The following FEZF1 variants were observed in gnomAD, a reference collection of about 807,000 sequenced individuals.
The protein encoded by FEZF1 is FEZ family zinc finger 1.
FEZF1 carries 8 observed loss-of-function variants against 32.4 expected under a neutral mutation model. The observed-to-expected ratio is 0.25, with a 90% CI of 0.15 to 0.45. FEZF1 has a LOEUF of 0.45. FEZF1 is among the 20% of genes least tolerant of loss of function. The pLI, the probability that FEZF1 is intolerant of heterozygous loss-of-function variation, is 1.00. For missense variants in FEZF1, 546 were observed against 622.3 expected, an observed-to-expected ratio of 0.88 and a Z score of 1.31; for synonymous variants, 259 against 265.2, an observed-to-expected ratio of 0.98 and a Z score of 0.23.
Position 122,303,792 on chromosome 7 carries a change from C to T in FEZF1, c.646G>A (p.Val216Ile), listed in dbSNP as rs570106853. The change falls in exon 1 of 4, where the codon GTA (valine) becomes ATA (isoleucine). Residue 216 changes from valine to isoleucine, a missense_variant. This residue lies in a region of FEZF1 where 345 missense variants were observed against 360.6 expected (regional missense o/e 0.96). Transcript: ENST00000442488. ...VPAVEKYPSG[V>I]AFKDLSQAQL... is the part of the protein sequence containing the mutation. ...GCCTGGGACAGGTCTTTGAAAGCTA[C>T]TCCAGAAGGGTATTTCTCCACCGCC... The T allele has an allele frequency of 1.9e-6, 3 of 1,614,228 alleles. No individual in the cohort carries two copies. The highest frequency in any genetic ancestry group is 2.2e-5 in the East Asian group (1 of 44,874).
Position 122,303,630 on chromosome 7 carries a change from T to C in FEZF1, c.801+7A>G. 2 of 1,611,652 alleles carry C rather than the reference T, an allele frequency of 1.2e-6. No homozygotes were observed. The highest frequency in any genetic ancestry group is 1.1e-5 in the South Asian group (1 of 90,982). On this transcript the variant is annotated splice_region_variant and intron_variant, in intron 1 of 3. Transcript: ENST00000442488. ...AGGAAAGGATCTCCGTTTTGCATTG[T>C]ACTTGCCTTTCCACACACTTCGCAA...
In FEZF1 at chr7:122,302,130, G is replaced by C; in HGVS notation, c.1295C>G (p.Thr432Arg). The C allele has an allele frequency of 3.7e-6, 6 of 1,614,026 alleles. No individual in the cohort carries two copies. The highest frequency in any genetic ancestry group is 5.1e-6 in the Non-Finnish European group (6 of 1,179,984). ...LHDSSLGLARTPAGEPGTEPP... is the reference protein window; with the variant it reads ...LHDSSLGLARRPAGEPGTEPP... Reference sequence around the variant, plus strand: ...TTCAGTGCCTGGTTCGCCAGCTGGCGTGCGGGCCAGCCCCAGGCTGCTGTC... The same window carrying C: ...TTCAGTGCCTGGTTCGCCAGCTGGCCTGCGGGCCAGCCCCAGGCTGCTGTC... Residue 432 changes from threonine (T) to arginine (R), a missense_variant, in exon 4 of 4, where the codon ACG becomes AGG. Around this residue, in one of 3 missense-constraint regions of FEZF1, gnomAD observed 83 missense variants for 73.0 expected, o/e 1.14. Transcript: ENST00000442488. This position sits in a 1 kb window ranked among gnomAD's most constrained non-coding sequence, Gnocchi z 4.4.
intron 1 of FEZF1, among the ~76,000 whole-genome samples, 153 bp downstream of exon 1, chr7:122,303,477 GGAAGGAA>G (rs1563041960): frequency 1.9e-3 from 29 of 15,426 alleles, no homozygotes; most frequent in African/African-American, 7.4e-3. Context: ...AGGGAGGGAA[GGAAGGAA>G]GGAAGGAAGG....
rs999427085 is a variant in FEZF1, at chr7:122,304,665, A to G, written c.-228T>C. 3 of 441,316 alleles carry G rather than the reference A, an allele frequency of 6.8e-6. No homozygotes were observed. Among genetic ancestry groups the G allele is most frequent in the Non-Finnish European group, 8.2e-6 (2 of 243,094 alleles). 27.3% of individuals were successfully genotyped at this position (441,316 alleles called of 1,614,324 possible). On this transcript the variant is annotated 5_prime_UTR_variant, in exon 1 of 4. Transcript: ENST00000442488. ...CACCAATGACTCGGGGACAATCACT[A>G]CTTATTTCTATCAATAGAAAGTGTT...
In FEZF1 at chr7:122,302,598, G is replaced by T. The variant is rs2031083975; in HGVS notation, c.1069+201C>A. Among the ~76,000 whole-genome samples, 1 of 152,138 alleles carries T rather than the reference G, an allele frequency of 6.6e-6. No individual in the cohort carries two copies. Among genetic ancestry groups the T allele is most frequent in the Non-Finnish European group, 1.5e-5 (1 of 68,032 alleles). On this transcript the variant is annotated intron_variant, in intron 3 of 3. Transcript: ENST00000442488. The surrounding 1 kb of genome is among the most constrained non-coding windows in gnomAD (Gnocchi z 4.4). The stretch of plus-strand genomic sequence containing the variant: ...TTATCAGTCCAATTACATACAATGA[G>T]AGCATGCAGTTAAAACATATACCCT...
In FEZF1 at chr7:122,302,500, C is replaced by A; in HGVS notation, c.1070-145G>T. 7.8e-7 allele frequency: 1 copy of A among 1,277,790 alleles called. No homozygotes were observed. Among genetic ancestry groups the A allele is most frequent in the Non-Finnish European group, 1.1e-6 (1 of 936,858 alleles). The allele number at this position is 1,277,790 out of a possible 1,614,324, so 79.2% of individuals were successfully genotyped here. A position where few individuals can be genotyped will look rare whatever the true frequency, so the allele number is the denominator to read the frequency against. The stretch of plus-strand genomic sequence containing the variant: ...AGTGCAGGGCTACTATCTGTGCCTG[C>A]ACTTGTCTCCCCAAGTTTATTTTCA... On this transcript the variant is annotated intron_variant, in intron 3 of 3. Coordinates refer to ENST00000442488, the MANE Select transcript of FEZF1 (RefSeq NM_001024613.4). This position sits in a 1 kb window ranked among gnomAD's most constrained non-coding sequence, Gnocchi z 4.4.
In FEZF1 at chr7:122,303,821, A is replaced by T; in HGVS notation, c.617T>A (p.Val206Asp). Residue 206 changes from valine to aspartate, a missense_variant, in exon 1 of 4, where the codon GTC becomes GAC. By Grantham distance (152) the Val-to-Asp change is radical. Around this residue, in one of 3 missense-constraint regions of FEZF1, gnomAD observed 345 missense variants for 360.6 expected, o/e 0.96. Transcript: ENST00000442488. ...AGAAGGGTATTTCTCCACCGCCGGG[A>T]CCACCAGTTTATTCCTTTCGGCTAA... The part of the protein sequence containing the change: ...TYLAERNKLV[V>D]PAVEKYPSGV... 1 of 1,614,152 alleles carries T rather than the reference A, an allele frequency of 6.2e-7. No individual in the cohort carries two copies. The highest frequency in any genetic ancestry group is 1.1e-5 in the South Asian group (1 of 91,082).
At position 122,302,547 on chromosome 7, in the gene FEZF1, C is replaced by T. The variant is rs991349649; in HGVS notation, c.1070-192G>A. On this transcript the variant is annotated intron_variant, in intron 3 of 3. Coordinates refer to ENST00000442488, the MANE Select transcript of FEZF1 (RefSeq NM_001024613.4). This position sits in a 1 kb window ranked among gnomAD's most constrained non-coding sequence, Gnocchi z 4.4. ...TTCAAGCATCGCATCAACAGTGATG[C>T]CGTTTCCTTAAATTTTAATACACAT... Among the ~76,000 whole-genome samples, 1 of 152,110 alleles carries T rather than the reference C, an allele frequency of 6.6e-6. No individual in the cohort carries two copies. Among genetic ancestry groups the T allele is most frequent in the South Asian group, 2.1e-4 (1 of 4,822 alleles).
rs1294000310 is a variant in FEZF1 at position 122,303,361 on chromosome 7, A to G, written c.802-50T>C. 3 of 1,608,538 alleles carry G rather than the reference A, an allele frequency of 1.9e-6. No homozygotes were observed. In the African/African-American group the frequency reaches 4.0e-5, roughly 22 times the overall value. On this transcript the variant is annotated intron_variant, in intron 1 of 3. Transcript: ENST00000442488. ...AGGTTAGCCGCACAAGTAACTTTGA[A>G]ATCAAACCGGGCAGAGAGAGGGTAG... is the stretch of plus-strand genomic sequence containing the variant.
upstream of FEZF1, chr7:122,304,945 C>G (rs1045236017): frequency 6.7e-6 from 1 of 149,918 alleles, no homozygotes; most frequent in African/African-American, 2.5e-5. Flanking sequence ...CGCACCCCCC[C>G]ATCCCCACCC....
In FEZF1 at chr7:122,303,152, G is replaced by C. The variant is rs1289012303; in HGVS notation, c.936+25C>G. The stretch of plus-strand genomic sequence containing the variant: ...TGCAAACAGTTCGGAAGCAAACTAG[G>C]TGAAATTGAGACAGATGAACACACC... On this transcript the variant is annotated intron_variant, in intron 2 of 3. Coordinates refer to ENST00000442488, the MANE Select transcript of FEZF1 (RefSeq NM_001024613.4). 3.7e-6 allele frequency: 6 copies of C among 1,613,854 alleles called. No individual in the cohort carries two copies. The South Asian group carries it at 6.6e-5, about 18-fold the overall frequency.
At chr7:122,307,024 G>A (rs1037953985), upstream of FEZF1, 2 of 152,348 alleles carry the variant, frequency 1.3e-5, no homozygotes, top group African/African-American at 4.8e-5. Context: ...CAAGCGGAGA[G>A]GCGCCACATC....
Position 122,302,119 on chromosome 7 carries a change from C to G in FEZF1, c.1306G>C (p.Glu436Gln). Reference protein sequence around the residue: ...SLGLARTPAGEPGTEPPPPLP... With the variant: ...SLGLARTPAGQPGTEPPPPLP... ...GGGGGCGGCGGTTCAGTGCCTGGTT[C>G]GCCAGCTGGCGTGCGGGCCAGCCCC... The change falls in exon 4 of 4, where the codon GAA becomes CAA. Residue 436 changes from glutamate to glutamine, a missense_variant. Physicochemically the swap from Glu to Gln is conservative, Grantham distance 29. Coordinates refer to ENST00000442488, the MANE Select transcript of FEZF1 (RefSeq NM_001024613.4). This position sits in a 1 kb window ranked among gnomAD's most constrained non-coding sequence, Gnocchi z 4.4. The G allele has an allele frequency of 6.2e-7, 1 of 1,613,704 alleles. No homozygotes were observed. Among genetic ancestry groups the G allele is most frequent in the South Asian group, 1.1e-5 (1 of 91,080 alleles).
intron 1 of FEZF1, 116 bp downstream of exon 1, chr7:122,303,495 AAGGAAGGAAGGAAGGAAGGAAGGAAG>A: frequency 2.1e-6 from 1 of 482,644 alleles, no homozygotes; most frequent in African/African-American, 2.7e-5. Flanking sequence ...GGAAGGAAGG[AAGGAAGGAAGGAAGGAAGGAAGGAAG>A]GAAGGAAGGA....
Position 122,304,183 on chromosome 7 carries a change from G to T in FEZF1, c.255C>A (p.Ser85Arg). The part of the protein sequence containing the change: ...IPFVPVAYDT[S>R]PKAGVTGSEP... ...CGGAGCCCGTCACTCCTGCCTTGGGGCTCGTGTCGTAGGCCACAGGCACGA... is the reference window on the plus strand; with the variant it reads ...CGGAGCCCGTCACTCCTGCCTTGGGTCTCGTGTCGTAGGCCACAGGCACGA... Residue 85 changes from serine to arginine, a missense_variant, in exon 1 of 4, where the codon AGC becomes AGA. By Grantham distance (110) the Ser-to-Arg change is moderately radical. Transcript: ENST00000442488. 1 of 1,599,258 alleles carries T rather than the reference G, an allele frequency of 6.3e-7. No individual in the cohort carries two copies. The highest frequency in any genetic ancestry group is 8.5e-7 in the Non-Finnish European group (1 of 1,170,828).
At chr7:122,308,753 G>T (rs866275628), upstream of FEZF1, among the ~76,000 whole-genome samples, 1 of 151,500 alleles carries the variant, frequency 6.6e-6, no homozygotes, top group African/African-American at 2.4e-5. Flanking sequence ...CCTGTTCAAC[G>T]TCTCTGACCC....
intron 1 of FEZF1, 47 bp downstream of exon 1, chr7:122,303,590 G>T (rs2031146965): frequency 7.4e-7 from 1 of 1,346,976 alleles, no homozygotes; most frequent in African/African-American, 1.5e-5. Flanking sequence ...AGGAAGGAAG[G>T]AAGGAAGGGA....
chr7:122,303,524 A>AGGAGGGAC, intron 1 of FEZF1, 113 bp downstream of exon 1: 2 of 433,208 alleles, frequency 4.6e-6, no homozygotes, highest in Non-Finnish European at 4.0e-6. Flanking sequence ...GAAGGAAGGA[A>AGGAGGGAC]GGAAGGAAGG....
rs1426772644 is a variant in FEZF1, at chr7:122,303,880, G to A, written c.558C>T (p.Leu186=). ...VNIHPVASYF[L]SSPLHPQPKT... ...TTGGCTGCGGGTGCAAAGGGGAACTGAGGAAGTAGGAGGCCACCGGGTGGA... is the reference window on the plus strand; with the variant it reads ...TTGGCTGCGGGTGCAAAGGGGAACTAAGGAAGTAGGAGGCCACCGGGTGGA... The change falls in exon 1 of 4, where the codon CTC becomes CTT. Residue 186 remains leucine, a synonymous_variant. Coordinates refer to ENST00000442488, the MANE Select transcript of FEZF1 (RefSeq NM_001024613.4). The A allele has an allele frequency of 6.2e-7, 1 of 1,614,022 alleles. No homozygotes were observed. Among genetic ancestry groups the A allele is most frequent in the East Asian group, 2.2e-5 (1 of 44,886 alleles).
Sources: allele counts gnomAD v4.1 joint callset (sites outside exome capture counted in the v4.1 genomes callset), GRCh38; gene constraint gnomAD v4.1.1; regional missense constraint gnomAD v4.1.1; non-coding constraint Gnocchi (gnomAD v3.1); transcripts MANE v1.5; gene names NCBI Gene and HGNC (gene_info 2026-07-23, HGNC 2026-07-21).